The following LCN8 variants were observed in gnomAD, a reference collection of about 807,000 sequenced individuals.
LCN8 encodes lipocalin 8, also known as epididymal-specific lipocalin-8.
In LCN8, 16 loss-of-function variants were observed where a neutral mutation model predicts 22.8. The ratio of observed to expected loss-of-function variants is 0.70; its 90% CI spans 0.47 to 1.06. The LOEUF (loss-of-function observed/expected upper bound fraction) is 1.06, where lower values mean the gene tolerates loss of function less well. LCN8 is among the 50% of genes least tolerant of loss of function. LCN8 has a pLI of 0.00. For synonymous variants in LCN8, 92 were observed against 83.4 expected (o/e 1.10, Z -0.56); for missense variants, 189 against 203.3 (o/e 0.93, Z 0.43).
rs770528176 is a variant in LCN8 at position 136,756,574 on chromosome 9, T to C, written c.174A>G (p.Ile58Met). 9 of 1,613,544 alleles carry C rather than the reference T, an allele frequency of 5.6e-6. No individual in the cohort carries two copies. The South Asian group carries it at 6.6e-5, about 12-fold the overall frequency. ...CTATTTCTGAGCCCACGATCTTCTCTATCTCACAGCTTCCTGAGCTGAAAG... is the reference window on the plus strand; with the variant it reads ...CTATTTCTGAGCCCACGATCTTCTCCATCTCACAGCTTCCTGAGCTGAAAG... Reference protein sequence around the residue: ...VAYNSSGSCEIEKIVGSEIDS... With the variant: ...VAYNSSGSCEMEKIVGSEIDS... The change falls in exon 3 of 7, where the codon ATA becomes ATG. Residue 58 changes from isoleucine (I) to methionine (M), a missense_variant. Transcript: ENST00000371688.
At chr9:136,755,814 C>G (rs1247790022) in intron 3 of LCN8, 2 of 1,406,468 alleles carry the variant, frequency 1.4e-6, no homozygotes, top group South Asian at 1.2e-5. Context: ...GCATGGGGAA[C>G]AGTGCAGGGA....
chr9:136,754,953 C>G (rs1348773277), intron 6 of LCN8, 182 bp downstream of exon 6: 14 of 1,397,754 alleles, frequency 1.0e-5, no homozygotes, highest in Non-Finnish European at 1.3e-5. Context: ...CTTTCCAAAC[C>G]AGGAGACAGA....
chr9:136,758,342 C>G, upstream of LCN8: 1 of 1,078,576 alleles, frequency 9.3e-7, no homozygotes, highest in Non-Finnish European at 1.1e-6. Context: ...TTTTTGGGCT[C>G]GTTCTGGCCT....
At chr9:136,754,579 C>G (rs1407955191) in intron 6 of LCN8, 70 bp from the exon 7 acceptor site, 22 of 1,526,522 alleles carry the variant, frequency 1.4e-5, no homozygotes, top group Admixed American at 2.1e-5. Flanking sequence ...TCGATGAGGG[C>G]CACACGGCGG....
At chr9:136,754,752 G>A in intron 6 of LCN8, 8 of 1,387,744 alleles carry the variant, frequency 5.8e-6, no homozygotes, top group Non-Finnish European at 7.4e-6. Context: ...CCCTGAGGCA[G>A]CGCCCGCAGG....
At chr9:136,756,244 C>T (rs577281342) in intron 3 of LCN8, 84 of 1,302,776 alleles carry the variant, frequency 6.4e-5, no homozygotes, top group South Asian at 2.3e-4. Flanking sequence ...GTGCAGGGAA[C>T]GCATGGGGAA....
Position 136,755,393 on chromosome 9 carries a change from C to A in LCN8, c.331+19G>T, listed in dbSNP as rs760067973. 2.4e-5 allele frequency: 38 copies of A among 1,610,940 alleles called. 1 individual carries two copies. In the South Asian group the frequency reaches 4.2e-4, roughly 18 times the overall value. ...TGGGAGAGCAGCAGCTGGGCAGAGC[C>A]CCCCAGGGCCAAGCTTACTAAAGTA... On this transcript the variant is annotated intron_variant, in intron 4 of 6. Transcript: ENST00000371688.
At chr9:136,757,377 A>G in intron 1 of LCN8, 1 of 1,429,468 alleles carries the variant, frequency 7.0e-7, no homozygotes. Context: ...TCAGACAGCA[A>G]TGCCCACAGG....
intron 1 of LCN8, 122 bp downstream of exon 1, chr9:136,757,784 AG>A: frequency 6.3e-7 from 1 of 1,595,924 alleles, no homozygotes; most frequent in Non-Finnish European, 8.6e-7. Flanking sequence ...TGCCGCTAAC[AG>A]GAAGTGTCTA....
chr9:136,756,237 C>T lies in LCN8; in HGVS notation c.226+285G>A, dbSNP rs145117710. 6 of 1,307,032 alleles carry T rather than the reference C, an allele frequency of 4.6e-6. No homozygotes were observed. The African/African-American group carries it at 8.1e-5, about 18-fold the overall frequency. 81.0% of individuals were successfully genotyped at this position (1,307,032 alleles called of 1,614,324 possible). On this transcript the variant is annotated intron_variant, in intron 3 of 6. Coordinates refer to ENST00000371688, the MANE Select transcript of LCN8 (RefSeq NM_178469.4). ...ATGGGGAACAGTGCAGGGAACAGTG[C>T]AGGGAACGCATGGGGAATGGCGCAG...
rs78263063 is a variant in LCN8, at chr9:136,756,542, G to A, written c.206C>T (p.Thr69Met). 3,702 of 1,614,084 alleles carry A rather than the reference G, an allele frequency of 2.3e-3. 70 individuals carry two copies. The African/African-American group carries it at 0.043, about 19-fold the overall frequency. Residue 69 changes from threonine (T) to methionine (M), a missense_variant, in exon 3 of 7, where the codon ACG (threonine) becomes ATG (methionine). Coordinates refer to ENST00000371688, the MANE Select transcript of LCN8 (RefSeq NM_178469.4). Reference protein sequence around the residue: ...EKIVGSEIDSTGKFAFPGHRE... With the variant: ...EKIVGSEIDSMGKFAFPGHRE... ...CTTACCAGGAAAAGCGAATTTTCCCGTACTGTCTATTTCTGAGCCCACGAT... is the reference window on the plus strand; with the variant it reads ...CTTACCAGGAAAAGCGAATTTTCCCATACTGTCTATTTCTGAGCCCACGAT...
At chr9:136,757,245 C>A in intron 1 of LCN8, 77 bp from the exon 2 acceptor site, 1 of 1,551,454 alleles carries the variant, frequency 6.4e-7, no homozygotes, top group Middle Eastern at 1.7e-4. Flanking sequence ...AACCCCCGGG[C>A]AGGGGCCTGC....
chr9:136,756,978 C>T, intron 2 of LCN8, 60 bp downstream of exon 2: 2 of 1,574,586 alleles, frequency 1.3e-6, no homozygotes, highest in Non-Finnish European at 1.7e-6. Context: ...GTGCAGCAAC[C>T]CACGCCCAGT....
intron 3 of LCN8, 87 bp downstream of exon 3, chr9:136,756,435 C>T (rs749602628): frequency 1.1e-5 from 17 of 1,611,040 alleles, no homozygotes; most frequent in East Asian, 4.5e-5. Context: ...GCATGGGGAA[C>T]AGTGCAGGGA....
chr9:136,758,533 G>A (rs1847260608), upstream of LCN8: 3 of 989,350 alleles, frequency 3.0e-6, no homozygotes, highest in Non-Finnish European at 3.6e-6. Flanking sequence ...GGCCTCTGCT[G>A]CACCAGGCAT....
rs999962386 is a variant in LCN8, at chr9:136,755,081, T to G, written c.447+54A>C. Reference sequence around the variant, plus strand: ...GGGGGCTCCTGACAGGGCCAGGGACTGGGCCAGGGGCCCGGGAACTTCAGC... The same window carrying G: ...GGGGGCTCCTGACAGGGCCAGGGACGGGGCCAGGGGCCCGGGAACTTCAGC... On this transcript the variant is annotated intron_variant, in intron 6 of 6. Coordinates refer to ENST00000371688, the MANE Select transcript of LCN8 (RefSeq NM_178469.4). 1.5e-5 allele frequency: 22 copies of G among 1,466,444 alleles called. No homozygotes were observed. The African/African-American group carries it at 2.6e-4, about 17-fold the overall frequency. The allele number at this position is 1,466,444 out of a possible 1,614,324, so 90.8% of individuals were successfully genotyped here.
intron 3 of LCN8, 111 bp downstream of exon 3, chr9:136,756,411 C>T (rs549121028): frequency 6.2e-7 from 1 of 1,603,732 alleles, no homozygotes; most frequent in East Asian, 2.2e-5. Flanking sequence ...GCACAGAGAA[C>T]AGTGCAGGGA....
rs1588310340 is a variant in LCN8 at position 136,757,983 on chromosome 9, G to A, written c.-53C>T. The A allele has an allele frequency of 1.4e-5, 23 of 1,608,398 alleles. No homozygotes were observed. The highest frequency in any genetic ancestry group is 1.3e-4 in the South Asian group (12 of 90,574). On this transcript the variant is annotated 5_prime_UTR_variant, in exon 1 of 7. Coordinates refer to ENST00000371688, the MANE Select transcript of LCN8 (RefSeq NM_178469.4). Reference sequence around the variant, plus strand: ...CACGAGGACACCCAGGATGGTGCACGGCAGCCTGGCCTCCGTGGCGGGGTC... The same window carrying A: ...CACGAGGACACCCAGGATGGTGCACAGCAGCCTGGCCTCCGTGGCGGGGTC...
chr9:136,756,723 G>C, intron 2 of LCN8, 131 bp from the exon 3 acceptor site: 1 of 1,384,054 alleles, frequency 7.2e-7, no homozygotes, highest in Non-Finnish European at 9.8e-7. Flanking sequence ...GCCTGGAGCA[G>C]GATGAGGCGG....
Sources: allele counts gnomAD v4.1 joint callset, GRCh38; gene constraint gnomAD v4.1.1; transcripts MANE v1.5; gene names NCBI Gene and HGNC (gene_info 2026-07-23, HGNC 2026-07-21).